The following PSD2 variants were observed in gnomAD, a reference collection of about 807,000 sequenced individuals.
The protein encoded by PSD2 is PH and SEC7 domain-containing protein 2.
PSD2 carries 38 observed loss-of-function variants against 69.8 expected under a neutral mutation model. That is an observed-to-expected ratio of 0.54 (90% confidence interval 0.42 to 0.71). PSD2 has a LOEUF of 0.71. Among genes scored for constraint, PSD2 ranks in the 30% least tolerant of loss-of-function variants. PSD2 has a pLI of 0.00. For synonymous variants in PSD2, 412 were observed against 423.0 expected (o/e 0.97, Z 0.32); for missense variants, 943 against 1,014.5 (o/e 0.93, Z 0.96).
At chr5:139,745,125 A>C in the PSD2 span, 1 of 152,372 alleles carries the variant, frequency 6.6e-6, no homozygotes, top group African/African-American at 2.4e-5. Context: ...CCAAGGTCCC[A>C]CAGGGGCATG....
chr5:139,780,778 C>T, the PSD2 span, among the ~76,000 whole-genome samples: 1 of 152,246 alleles, frequency 6.6e-6, no homozygotes, highest in Middle Eastern at 3.4e-3. Context: ...GTTTTGAATT[C>T]GGCCTCCAGC....
the PSD2 span, among the ~76,000 whole-genome samples, chr5:139,778,796 G>T: frequency 6.6e-6 from 1 of 151,964 alleles, no homozygotes; most frequent in Non-Finnish European, 1.5e-5. Flanking sequence ...GGGTGTGGTG[G>T]CACGTGCCTA....
At chr5:139,812,438 T>C (rs1470748473) in intron 2 of PSD2, among the ~76,000 whole-genome samples, 1 of 152,114 alleles carries the variant, frequency 6.6e-6, no homozygotes, top group African/African-American at 2.4e-5. Flanking sequence ...GTTGGGGCCA[T>C]GGGGCTGACA....
At chr5:139,838,916 A>G (rs991740546) in intron 13 of PSD2, 144 bp downstream of exon 13, 3 of 852,494 alleles carry the variant, frequency 3.5e-6, no homozygotes, top group Middle Eastern at 3.7e-4. Context: ...TGTTCCCTCC[A>G]TCCCAAGCAC....
the PSD2 span, among the ~76,000 whole-genome samples, chr5:139,759,482 C>A: frequency 6.6e-6 from 1 of 152,074 alleles, no homozygotes; most frequent in African/African-American, 2.4e-5. Context: ...GCTGGCTGTC[C>A]CCCGCCCTGG....
At chr5:139,808,175 G>T (rs1480936813) in intron 1 of PSD2, among the ~76,000 whole-genome samples, 1 of 152,230 alleles carries the variant, frequency 6.6e-6, no homozygotes, top group Non-Finnish European at 1.5e-5. Context: ...CCAGATTCCT[G>T]TTTCTGTCCA....
At chr5:139,805,798 A>G (rs1426355197) in intron 1 of PSD2, among the ~76,000 whole-genome samples, 5 of 152,192 alleles carry the variant, frequency 3.3e-5, no homozygotes, top group African/African-American at 7.2e-5. Context: ...GTGGGAGAGC[A>G]TGGGGACATG....
At chr5:139,755,585 G>T in the PSD2 span, among the ~76,000 whole-genome samples, 26 of 151,844 alleles carry the variant, frequency 1.7e-4, no homozygotes, top group African/African-American at 6.3e-4. Context: ...ATATGTCTGT[G>T]TCTGTCCTGC....
the PSD2 span, among the ~76,000 whole-genome samples, chr5:139,759,647 G>A: frequency 1.3e-5 from 2 of 152,326 alleles, no homozygotes; most frequent in East Asian, 1.9e-4. Flanking sequence ...GGCGGGCGCC[G>A]CGCCACGCCG....
chr5:139,785,344 C>T, the PSD2 span, among the ~76,000 whole-genome samples: 1 of 152,142 alleles, frequency 6.6e-6, no homozygotes, highest in East Asian at 1.9e-4. Flanking sequence ...CTGCCTCAGC[C>T]TCCCTAGGAG....
the PSD2 span, among the ~76,000 whole-genome samples, chr5:139,749,249 A>G: frequency 6.6e-6 from 1 of 152,150 alleles, no homozygotes; most frequent in African/African-American, 2.4e-5. Context: ...GTTCAGCCCC[A>G]GGTTACTTCC....
chr5:139,753,717 A>C, the PSD2 span, among the ~76,000 whole-genome samples: 1 of 152,188 alleles, frequency 6.6e-6, no homozygotes, highest in African/African-American at 2.4e-5. Flanking sequence ...CTGATCCCAC[A>C]GGAGTCCCAT....
chr5:139,765,223 A>C, the PSD2 span, among the ~76,000 whole-genome samples: 1 of 151,938 alleles, frequency 6.6e-6, no homozygotes, highest in African/African-American at 2.4e-5. Context: ...CCCAGCACAC[A>C]ATGTCTCCAG....
At chr5:139,798,304 G>A (rs1037984241) in intron 1 of PSD2, among the ~76,000 whole-genome samples, 34 of 152,158 alleles carry the variant, frequency 2.2e-4, no homozygotes, top group African/African-American at 7.5e-4. Context: ...CCTCTAAGCC[G>A]GCTTGCCCAC....
rs780344674 is a variant in PSD2 at position 139,837,690 on chromosome 5, C to T, written c.1731C>T (p.His577=). Residue 577 remains histidine, a synonymous_variant, in exon 12 of 15, where the codon CAC becomes CAT. Coordinates refer to ENST00000274710, the MANE Select transcript of PSD2 (RefSeq NM_032289.4). This position sits in a 1 kb window ranked among gnomAD's most constrained non-coding sequence, Gnocchi z 5.0. Reference sequence around the variant, plus strand: ...TGAAGAACGCCATTCGCGTGCATCACGCTCTGGCCACCAGGGCCTCTGACT... The same window carrying T: ...TGAAGAACGCCATTCGCGTGCATCATGCTCTGGCCACCAGGGCCTCTGACT... ...GDLKNAIRVH[H]ALATRASDYS... 7.4e-6 allele frequency: 12 copies of T among 1,613,950 alleles called. No homozygotes were observed. The highest frequency in any genetic ancestry group is 2.2e-5 in the South Asian group (2 of 91,072).
the PSD2 span, among the ~76,000 whole-genome samples, chr5:139,785,536 C>CTGA: frequency 6.6e-6 from 1 of 152,200 alleles, no homozygotes; most frequent in African/African-American, 2.4e-5. Flanking sequence ...CATTGCCTTC[C>CTGA]TGATGGCCTG....
At chr5:139,773,595 T>A in the PSD2 span, among the ~76,000 whole-genome samples, 1 of 152,316 alleles carries the variant, frequency 6.6e-6, no homozygotes, top group Admixed American at 6.5e-5. Context: ...TATTTGTCCT[T>A]CTGTGACTGG....
At chr5:139,773,434 A>AT in the PSD2 span, among the ~76,000 whole-genome samples, 1 of 151,078 alleles carries the variant, frequency 6.6e-6, no homozygotes, top group Admixed American at 6.6e-5. Context: ...GCTTTTTTTC[A>AT]TTTTTTTCTA....
chr5:139,766,930 C>CCTTCCTTTCTTTCT, the PSD2 span, among the ~76,000 whole-genome samples: 15 of 44,120 alleles, frequency 3.4e-4, no homozygotes, highest in South Asian at 8.3e-4. Flanking sequence ...CCTTCCTTCC[C>CCTTCCTTTCTTTCT]TTCTTTCTTT....
Sources: gnomAD v4.1 joint callset for allele counts (sites outside exome capture counted in the v4.1 genomes callset) on GRCh38, gnomAD v4.1.1 for gene constraint, Gnocchi (gnomAD v3.1) non-coding constraint, MANE v1.5 for transcripts, NCBI Gene and HGNC (gene_info 2026-07-23, HGNC 2026-07-21) for gene names.